ESAM: variants seen among roughly 807,000 people sequenced by gnomAD.
The protein encoded by ESAM is endothelial cell-selective adhesion molecule.
In ESAM, 23 loss-of-function variants were observed where a neutral mutation model predicts 31.8. The ratio of observed to expected loss-of-function variants is 0.72; its 90% CI spans 0.52 to 1.03. The LOEUF is 1.03. ESAM is among the 50% of genes least tolerant of loss of function. The pLI, the probability that ESAM is intolerant of heterozygous loss-of-function variation, is 0.00. For synonymous variants in ESAM, 216 were observed against 207.2 expected, an observed-to-expected ratio of 1.04 and a Z score of -0.37; for missense variants, 478 against 488.9, an observed-to-expected ratio of 0.98 and a Z score of 0.21.
chr11:124,754,818 A>G lies in ESAM; in HGVS notation c.608-55T>C. 6.5e-7 allele frequency: 1 copy of G among 1,538,256 alleles called. No individual in the cohort carries two copies. Among genetic ancestry groups the G allele is most frequent in the South Asian group, 1.3e-5 (1 of 78,314 alleles). Reference sequence around the variant, plus strand: ...GGACCCTCTTTCCCATTAAAAAAAAAAAAAAATCTTGTCCCTCCTCTGGAA... The same window carrying G: ...GGACCCTCTTTCCCATTAAAAAAAAGAAAAAATCTTGTCCCTCCTCTGGAA... On this transcript the variant is annotated intron_variant, in intron 4 of 6. Coordinates refer to ENST00000278927, the MANE Select transcript of ESAM (RefSeq NM_138961.3). The surrounding 1 kb of genome is among the most constrained non-coding windows in gnomAD (Gnocchi z 4.5).
Position 124,756,575 on chromosome 11 carries a change from G to T in ESAM, c.417C>A (p.Gly139=), listed in dbSNP as rs749002095. 2 of 1,613,952 alleles carry T rather than the reference G, an allele frequency of 1.2e-6. No homozygotes were observed. The highest frequency in any genetic ancestry group is 3.3e-5 in the Admixed American group (2 of 59,996). Residue 139 remains glycine, a synonymous_variant, in exon 3 of 7, where the codon GGC becomes GGA. Transcript: ENST00000278927. ...TGAGTTCTAAGGTTTTGATGCTGTGGCCCCTAGATTTGCCTTGTTTGTCTT... is the reference window on the plus strand; with the variant it reads ...TGAGTTCTAAGGTTTTGATGCTGTGTCCCCTAGATTTGCCTTGTTTGTCTT... The part of the protein sequence containing the change: ...NVQDKQGKSR[G]HSIKTLELNV...
At position 124,759,679 on chromosome 11, in the gene ESAM, C is replaced by A. The variant is rs1036962051; in HGVS notation, c.71-1152G>T. 2.2e-4 allele frequency among the ~76,000 whole-genome samples: 34 copies of A among 152,374 alleles called. No homozygotes were observed. The highest frequency in any genetic ancestry group is 8.2e-4 in the African/African-American group (34 of 41,600). Reference sequence around the variant, plus strand: ...GCCAGGATGCAAGCCTCCCCCACCGCTTCCCGGCTGCGCCGTACAGAACCC... The same window carrying A: ...GCCAGGATGCAAGCCTCCCCCACCGATTCCCGGCTGCGCCGTACAGAACCC... On this transcript the variant is annotated intron_variant, in intron 1 of 6. Coordinates refer to ENST00000278927, the MANE Select transcript of ESAM (RefSeq NM_138961.3). The surrounding 1 kb of genome is among the most constrained non-coding windows in gnomAD (Gnocchi z 6.8).
chr11:124,754,757 A>C lies in ESAM; in HGVS notation c.614T>G (p.Ile205Ser), dbSNP rs755777132. ...GTTGGTGAGGCTTAAAGACCCACGG[A>C]TGACATCTGTGGACACAATTTAGCC... Reference protein sequence around the residue: ...QTFFAPALDVIRGSLSLTNLS... With the variant: ...QTFFAPALDVSRGSLSLTNLS... Residue 205 changes from isoleucine (I) to serine (S), a missense_variant, in exon 5 of 7, where the codon ATC becomes AGC. Coordinates refer to ENST00000278927, the MANE Select transcript of ESAM (RefSeq NM_138961.3). This position sits in a 1 kb window ranked among gnomAD's most constrained non-coding sequence, Gnocchi z 4.5. The C allele has an allele frequency of 6.2e-7, 1 of 1,613,110 alleles. No homozygotes were observed. The highest frequency in any genetic ancestry group is 2.2e-5 in the East Asian group (1 of 44,852).
rs369942798 is a variant in ESAM, at chr11:124,760,062, C to T, written c.71-1535G>A. Among the ~76,000 whole-genome samples, 77 of 152,346 alleles carry T rather than the reference C, an allele frequency of 5.1e-4. No homozygotes were observed. In the South Asian group the frequency reaches 0.016, roughly 31 times the overall value. ...CTTCACCTTGTGGACCACCAGCGACCTCCCCAGGTCCCACATTTATAATTC... is the reference window on the plus strand; with the variant it reads ...CTTCACCTTGTGGACCACCAGCGACTTCCCCAGGTCCCACATTTATAATTC... On this transcript the variant is annotated intron_variant, in intron 1 of 6. Coordinates refer to ENST00000278927, the MANE Select transcript of ESAM (RefSeq NM_138961.3).
chr11:124,754,294 A>C lies in ESAM; in HGVS notation c.777T>G (p.Val259=), dbSNP rs765900493. The change falls in exon 6 of 7, where the codon GTT becomes GTG. Residue 259 remains valine (V), a synonymous_variant. Transcript: ENST00000278927. This position sits in a 1 kb window ranked among gnomAD's most constrained non-coding sequence, Gnocchi z 4.5. ...CCAGCCCAGCCAGCAACCCCAGTCC[A>C]ACCAGGGTACCCACAACAGCTCCAG... is the stretch of plus-strand genomic sequence containing the variant. ...VVAGAVVGTL[V]GLGLLAGLVL... 9.9e-6 allele frequency: 16 copies of C among 1,614,108 alleles called. No individual in the cohort carries two copies. The African/African-American group carries it at 1.5e-4, about 15-fold the overall frequency.
At chr11:124,757,693 C>CTTTTTTTTT (rs5795429) in intron 2 of ESAM, among the ~76,000 whole-genome samples, 1 of 125,008 alleles carries the variant, frequency 8.0e-6, no homozygotes. Flanking sequence ...AATATGCTAA[C>CTTTTTTTTT]TTTTTTTTTT....
chr11:124,757,879 G>A (rs1408165925), intron 2 of ESAM, among the ~76,000 whole-genome samples: 1 of 151,908 alleles, frequency 6.6e-6, no homozygotes, highest in Non-Finnish European at 1.5e-5. Flanking sequence ...TGTGTTTTTA[G>A]CAGAGACGGG....
At chr11:124,755,563 A>G (rs1435530740) in intron 4 of ESAM, among the ~76,000 whole-genome samples, 4 of 152,242 alleles carry the variant, frequency 2.6e-5, no homozygotes, top group East Asian at 3.8e-4. Flanking sequence ...AAAAGCTACT[A>G]TTATAAAAAT....
At chr11:124,757,584 A>G (rs981824148) in intron 2 of ESAM, 10 of 152,188 alleles carry the variant, frequency 6.6e-5, no homozygotes, top group African/African-American at 2.4e-4. Context: ...TTGGCTCTCA[A>G]GGTGGTATAC....
At position 124,756,978 on chromosome 11, in the gene ESAM, G is replaced by A. The variant is rs539641397; in HGVS notation, c.250-236C>T. 2.8e-3 allele frequency: 1,525 copies of A among 545,650 alleles called. 26 individuals are homozygous for A. Among genetic ancestry groups the A allele is most frequent in the South Asian group, 0.023 (1,082 of 47,718 alleles). The allele number at this position is 545,650 out of a possible 1,614,324, so 33.8% of individuals were successfully genotyped here. A position where few individuals can be genotyped will look rare whatever the true frequency, so the allele number is the denominator to read the frequency against. On this transcript the variant is annotated intron_variant, in intron 2 of 6. Transcript: ENST00000278927. ...GCGCATTGTCTCATCTCCCAATTGCGGTGTTTAGAAAGGTGACATAATAGT... is the reference window on the plus strand; with the variant it reads ...GCGCATTGTCTCATCTCCCAATTGCAGTGTTTAGAAAGGTGACATAATAGT...
At chr11:124,760,984 G>C (rs1944222655) in intron 1 of ESAM, among the ~76,000 whole-genome samples, 1 of 152,190 alleles carries the variant, frequency 6.6e-6, no homozygotes. Context: ...GGCTGTACTT[G>C]AGACTCATTT....
Position 124,758,521 on chromosome 11 carries a change from G to T in ESAM, c.77C>A (p.Pro26His). 6.4e-7 allele frequency: 1 copy of T among 1,557,386 alleles called. No homozygotes were observed. Among genetic ancestry groups the T allele is most frequent in the Non-Finnish European group, 8.7e-7 (1 of 1,151,884 alleles). ...GTGCAGTTGCAGCTGGGCCCGCGAGGGGGGCGCTGGAGACAAGAGCGAGGC... is the reference window on the plus strand; with the variant it reads ...GTGCAGTTGCAGCTGGGCCCGCGAGTGGGGCGCTGGAGACAAGAGCGAGGC... ...LFLGLSALAP[P>H]SRAQLQLHLP... The change falls in exon 2 of 7, where the codon CCC (proline) becomes CAC (histidine). Residue 26 changes from proline (P) to histidine (H), a missense_variant. Coordinates refer to ENST00000278927, the MANE Select transcript of ESAM (RefSeq NM_138961.3).
In ESAM at chr11:124,754,909, C is replaced by A; in HGVS notation, c.608-146G>T. The A allele has an allele frequency of 4.7e-6, 5 of 1,074,972 alleles. No individual in the cohort carries two copies. The South Asian group carries it at 9.0e-5, about 19-fold the overall frequency. 66.6% of individuals were successfully genotyped at this position (1,074,972 alleles called of 1,614,324 possible). A position where few individuals can be genotyped will look rare whatever the true frequency, so the allele number is the denominator to read the frequency against. The stretch of plus-strand genomic sequence containing the variant: ...CCTGATGGGGGGAGAGGTGTGACAG[C>A]TGGGCTTGGCTCCCAGCTGCAGACT... On this transcript the variant is annotated intron_variant, in intron 4 of 6. Transcript: ENST00000278927. This position sits in a 1 kb window ranked among gnomAD's most constrained non-coding sequence, Gnocchi z 4.5.
At chr11:124,758,140 T>C (rs1278993769) in intron 2 of ESAM, among the ~76,000 whole-genome samples, 2 of 152,238 alleles carry the variant, frequency 1.3e-5, no homozygotes, top group Non-Finnish European at 2.9e-5. Context: ...TTTTGTGTGC[T>C]GGATTTTTAG....
intron 4 of ESAM, among the ~76,000 whole-genome samples, chr11:124,755,446 T>C (rs1330820632): frequency 6.6e-6 from 1 of 152,142 alleles, no homozygotes; most frequent in East Asian, 1.9e-4. Context: ...TGAATGTTTA[T>C]TGGCTGCTAA....
chr11:124,758,529 T>A lies in ESAM; in HGVS notation c.71-2A>T, dbSNP rs1944185593. The A allele has an allele frequency of 6.5e-7, 1 of 1,546,026 alleles. No homozygotes were observed. The highest frequency in any genetic ancestry group is 2.0e-5 in the Admixed American group (1 of 50,574). The stretch of plus-strand genomic sequence containing the variant: ...GCAGCTGGGCCCGCGAGGGGGGCGC[T>A]GGAGACAAGAGCGAGGCGTGAGTGC... On this transcript the variant is annotated splice_acceptor_variant, in intron 1 of 6. Transcript: ENST00000278927. LOFTEE classifies it high-confidence loss of function.
chr11:124,755,664 G>C (rs1020856361), intron 4 of ESAM, among the ~76,000 whole-genome samples: 2 of 152,056 alleles, frequency 1.3e-5, no homozygotes, highest in Admixed American at 6.5e-5. Flanking sequence ...ATATTTATTT[G>C]ATTTCTTTCT....
chr11:124,754,683 C>T lies in ESAM; in HGVS notation c.688G>A (p.Val230Met), dbSNP rs566289008. 1.2e-6 allele frequency: 2 copies of T among 1,614,188 alleles called. No homozygotes were observed. Among genetic ancestry groups the T allele is most frequent in the Non-Finnish European group, 1.7e-6 (2 of 1,180,030 alleles). Residue 230 changes from valine to methionine, a missense_variant, in exon 5 of 7, where the codon GTG becomes ATG. Transcript: ENST00000278927. This position sits in a 1 kb window ranked among gnomAD's most constrained non-coding sequence, Gnocchi z 4.5. Reference protein sequence around the residue: ...GVYVCKAHNEVGTAQCNVTLE... With the variant: ...GVYVCKAHNEMGTAQCNVTLE... ...GTCACATTACATTGGGCAGTGCCCA[C>T]CTCATTGTGGGCCTTGCAGACATAG... is the stretch of plus-strand genomic sequence containing the variant.
chr11:124,754,455 A>T lies in ESAM; in HGVS notation c.731-115T>A, dbSNP rs1322548980. On this transcript the variant is annotated intron_variant, in intron 5 of 6. Transcript: ENST00000278927. This position sits in a 1 kb window ranked among gnomAD's most constrained non-coding sequence, Gnocchi z 4.5. ...TACACATTCCCTCTTTTTCCCTGTC[A>T]AGAAGAGGGGTGGCTGTTGAGCAGG... 1 of 1,509,912 alleles carries T rather than the reference A, an allele frequency of 6.6e-7. No individual in the cohort carries two copies. Among genetic ancestry groups the T allele is most frequent in the Non-Finnish European group, 8.9e-7 (1 of 1,125,026 alleles). The allele number at this position is 1,509,912 out of a possible 1,614,324, so 93.5% of individuals were successfully genotyped here.
Sources: gnomAD v4.1 joint callset for allele counts (sites outside exome capture counted in the v4.1 genomes callset) on GRCh38, gnomAD v4.1.1 for gene constraint, Gnocchi (gnomAD v3.1) non-coding constraint, MANE v1.5 for transcripts, NCBI Gene and HGNC (gene_info 2026-07-23, HGNC 2026-07-21) for gene names.